TNFRSF19: variants seen among roughly 807,000 people sequenced by gnomAD.
The protein encoded by TNFRSF19 is TNF receptor superfamily member 19, also known as tumor necrosis factor receptor superfamily member 19.
TNFRSF19 carries 27 observed loss-of-function variants against 46.4 expected under a neutral mutation model. The ratio of observed to expected loss-of-function variants is 0.58; its 90% CI spans 0.43 to 0.80. The LOEUF (loss-of-function observed/expected upper bound fraction) is 0.80. TNFRSF19 is among the 30% of genes least tolerant of loss of function. The pLI, the probability that TNFRSF19 is intolerant of heterozygous loss-of-function variation, is 0.00. For synonymous variants in TNFRSF19, 204 were observed against 205.0 expected, an observed-to-expected ratio of 1.00 and a Z score of 0.04; for missense variants, 511 against 530.8, an observed-to-expected ratio of 0.96 and a Z score of 0.37.
intron 3 of TNFRSF19, among the ~76,000 whole-genome samples, chr13:23,611,260 G>A (rs1360801821): frequency 6.6e-6 from 1 of 152,210 alleles, no homozygotes; most frequent in Non-Finnish European, 1.5e-5. Context: ...GACTGTTGCA[G>A]TAGAGGAAAT....
In TNFRSF19 at chr13:23,675,232, C is replaced by A. The variant is rs1350678585; in HGVS notation, c.*1852C>A. On this transcript the variant is annotated 3_prime_UTR_variant, in exon 10 of 10. Coordinates refer to ENST00000248484, the MANE Select transcript of TNFRSF19 (RefSeq NM_148957.4). Reference sequence around the variant, plus strand: ...ACCTCACCATGATTCACATACGTGCCACTGTTTGAAATCTGGTCTGTTTGC... The same window carrying A: ...ACCTCACCATGATTCACATACGTGCAACTGTTTGAAATCTGGTCTGTTTGC... The A allele has an allele frequency of 6.6e-6, 1 of 152,142 alleles. No homozygotes were observed. The highest frequency in any genetic ancestry group is 1.5e-5 in the Non-Finnish European group (1 of 68,032). The allele number at this position is 152,142 out of a possible 1,614,324, so 9.4% of individuals were successfully genotyped here. A position where few individuals can be genotyped will look rare whatever the true frequency, so the allele number is the denominator to read the frequency against.
At chr13:23,609,708 C>T (rs1880765922) in intron 3 of TNFRSF19, among the ~76,000 whole-genome samples, 1 of 152,180 alleles carries the variant, frequency 6.6e-6, no homozygotes, top group Admixed American at 6.5e-5. Flanking sequence ...ACGGGGCATA[C>T]CCAGCTTCAT....
Position 23,675,771 on chromosome 13 carries a change from G to C in TNFRSF19, c.*2391G>C, listed in dbSNP as rs146633580. On this transcript the variant is annotated 3_prime_UTR_variant, in exon 10 of 10. Coordinates refer to ENST00000248484, the MANE Select transcript of TNFRSF19 (RefSeq NM_148957.4). ...GTGGCTTCTTGTGCTGCAGAAGCTC[G>C]TTGACAAGACTGAGGAGGATTTCAA... is the stretch of plus-strand genomic sequence containing the variant. 13 of 152,304 alleles carry C rather than the reference G, an allele frequency of 8.5e-5. No individual in the cohort carries two copies. Among genetic ancestry groups the C allele is most frequent in the African/African-American group, 3.1e-4 (13 of 41,574 alleles). 9.4% of individuals were successfully genotyped at this position (152,304 alleles called of 1,614,324 possible).
chr13:23,605,257 A>G (rs1880430882), intron 3 of TNFRSF19, among the ~76,000 whole-genome samples: 1 of 152,200 alleles, frequency 6.6e-6, no homozygotes, highest in African/African-American at 2.4e-5. Context: ...AAGCAACGCG[A>G]TATCACCGTA....
chr13:23,661,830 A>G (rs1316394118), intron 7 of TNFRSF19, among the ~76,000 whole-genome samples: 1 of 152,032 alleles, frequency 6.6e-6, no homozygotes, highest in African/African-American at 2.4e-5. Flanking sequence ...TGTTGGCCAC[A>G]TGTATGTCTT....
intron 5 of TNFRSF19, among the ~76,000 whole-genome samples, chr13:23,650,135 T>G (rs951935914): frequency 4.6e-5 from 7 of 152,238 alleles, no homozygotes; most frequent in Non-Finnish European, 8.8e-5. Flanking sequence ...AATCCCTCCA[T>G]TCTTCCCCTA....
At chr13:23,642,314 T>C (rs1883078530) in intron 5 of TNFRSF19, among the ~76,000 whole-genome samples, 1 of 152,212 alleles carries the variant, frequency 6.6e-6, no homozygotes. Flanking sequence ...CTCCAGATTC[T>C]GACATAATCA....
chr13:23,606,533 A>G (rs1480583276), intron 3 of TNFRSF19, among the ~76,000 whole-genome samples: 1 of 152,182 alleles, frequency 6.6e-6, no homozygotes, highest in Non-Finnish European at 1.5e-5. Context: ...TCTACCCTGT[A>G]TCTACAGAGC....
At chr13:23,626,299 A>G (rs1882004996) in intron 4 of TNFRSF19, among the ~76,000 whole-genome samples, 1 of 151,472 alleles carries the variant, frequency 6.6e-6, no homozygotes, top group African/African-American at 2.4e-5. Context: ...TCAAGATTGT[A>G]TGAGTATTTC....
intron 3 of TNFRSF19, among the ~76,000 whole-genome samples, chr13:23,608,239 T>C (rs7319955): frequency 0.66 from 101,094 of 152,120 alleles, 34,240 homozygotes; most frequent in African/African-American, 0.78. Context: ...TTATTTTAAC[T>C]GTTTACCTTG....
intron 7 of TNFRSF19, among the ~76,000 whole-genome samples, chr13:23,663,317 T>C: frequency 6.6e-6 from 1 of 152,242 alleles, no homozygotes; most frequent in East Asian, 1.9e-4. Flanking sequence ...TGAATCGCCT[T>C]TATTGATGTC....
chr13:23,621,100 GA>G (rs1457490692), intron 4 of TNFRSF19, among the ~76,000 whole-genome samples: 1 of 152,118 alleles, frequency 6.6e-6, no homozygotes, highest in African/African-American at 2.4e-5. Context: ...TGATTGATGG[GA>G]ATCACAGGGA....
chr13:23,606,266 GAAGT>G (rs1352124075), intron 3 of TNFRSF19, among the ~76,000 whole-genome samples: 1 of 152,102 alleles, frequency 6.6e-6, no homozygotes, highest in African/African-American at 2.4e-5. Context: ...GTCCCCCTGT[GAAGT>G]AAGAGCCAAA....
intron 1 of TNFRSF19, among the ~76,000 whole-genome samples, chr13:23,589,534 C>A (rs958632296): frequency 6.6e-6 from 1 of 152,136 alleles, no homozygotes; most frequent in Non-Finnish European, 1.5e-5. Flanking sequence ...TCTGTCAGGG[C>A]GTATGTGACA....
At chr13:23,634,221 T>A (rs1275665225) in intron 5 of TNFRSF19, among the ~76,000 whole-genome samples, 1 of 152,226 alleles carries the variant, frequency 6.6e-6, no homozygotes, top group Admixed American at 6.5e-5. Flanking sequence ...AAAAGTTGAA[T>A]GCCTTGACTG....
chr13:23,581,631 T>C (rs936650982), intron 1 of TNFRSF19, among the ~76,000 whole-genome samples: 12 of 152,324 alleles, frequency 7.9e-5, no homozygotes, highest in African/African-American at 2.9e-4. Flanking sequence ...CTGTCCTTAA[T>C]ATATTAATTT....
At chr13:23,660,692 G>A (rs1019970599) in intron 7 of TNFRSF19, among the ~76,000 whole-genome samples, 4 of 152,094 alleles carry the variant, frequency 2.6e-5, no homozygotes, top group Non-Finnish European at 5.9e-5. Flanking sequence ...AAGGAAATAA[G>A]CATCTCGTTA....
chr13:23,637,374 C>G (rs1882755023), intron 5 of TNFRSF19, among the ~76,000 whole-genome samples: 1 of 152,206 alleles, frequency 6.6e-6, no homozygotes, highest in Admixed American at 6.5e-5. Flanking sequence ...TTTTCTTCAT[C>G]CCTGTTTCTT....
intron 7 of TNFRSF19, among the ~76,000 whole-genome samples, chr13:23,663,937 CA>C (rs914034449): frequency 1.1e-4 from 17 of 151,722 alleles, no homozygotes; most frequent in Admixed American, 4.6e-4. Flanking sequence ...TTTATTTCTT[CA>C]AAAAAACAAC....
Sources: allele counts gnomAD v4.1 joint callset (sites outside exome capture counted in the v4.1 genomes callset), GRCh38; gene constraint gnomAD v4.1.1; transcripts MANE v1.5; gene names NCBI Gene and HGNC (gene_info 2026-07-23, HGNC 2026-07-21).